RYR3: variants seen among roughly 807,000 people sequenced by gnomAD.
RYR3 encodes brain ryanodine receptor-calcium release channel.
In RYR3, 207 loss-of-function variants were observed where a neutral mutation model predicts 584.3. That is an observed-to-expected ratio of 0.35 (90% CI 0.32 to 0.40). The LOEUF (loss-of-function observed/expected upper bound fraction) is 0.40. Ranked by LOEUF, RYR3 falls within the 10% of genes least tolerant of loss-of-function variation. The pLI is 1.00. For missense variants in RYR3, 5,616 were observed against 6,089.2 expected, an observed-to-expected ratio of 0.92 and a Z score of 2.59; for synonymous variants, 2,416 against 2,248.5, an observed-to-expected ratio of 1.07 and a Z score of -2.11.
At chr15:33,459,794 G>A (rs2047863517) in intron 1 of RYR3, among the ~76,000 whole-genome samples, 1 of 152,224 alleles carries the variant, frequency 6.6e-6, no homozygotes, top group East Asian at 1.9e-4. Context: ...TAACTCTCCT[G>A]GGATTATTAA....
At chr15:33,855,054 GGT>G in intron 98 of RYR3, 142 bp downstream of exon 98, 1 of 868,646 alleles carries the variant, frequency 1.2e-6, no homozygotes, top group Non-Finnish European at 1.6e-6. Context: ...TTCAACTAAT[GGT>G]GATTGTTTTT....
chr15:33,578,746 TGTATCCCA>T lies in RYR3; in HGVS notation c.1269-1228_1269-1221del, dbSNP rs575075458. Among the ~76,000 whole-genome samples, 65 of 146,436 alleles carry T rather than the reference TGTATCCCA, an allele frequency of 4.4e-4. 1 individual carries two copies. The East Asian group carries it at 0.013, about 28-fold the overall frequency. On this transcript the variant is annotated intron_variant, in intron 12 of 103. Coordinates refer to ENST00000634891, the MANE Select transcript of RYR3 (RefSeq NM_001036.6). ...GTAACAAACCTGCACATCCTGCACA[TGTATCCCA>T]GAACTTAGAATAAAAAAAAAAAAAC... is the stretch of plus-strand genomic sequence containing the variant.
intron 12 of RYR3, among the ~76,000 whole-genome samples, chr15:33,568,821 C>T (rs912022571): frequency 2.0e-5 from 3 of 152,218 alleles, no homozygotes; most frequent in Non-Finnish European, 4.4e-5. Flanking sequence ...CCAAAAATAT[C>T]TCCTATGCTC....
chr15:33,738,502 G>A lies in RYR3; in HGVS notation c.7568G>A (p.Gly2523Glu). The A allele has an allele frequency of 1.2e-6, 2 of 1,613,998 alleles. No individual in the cohort carries two copies. Among genetic ancestry groups the A allele is most frequent in the Non-Finnish European group, 8.5e-7 (1 of 1,179,882 alleles). Residue 2523 changes from glycine to glutamate, a missense_variant, in exon 50 of 104, where the codon GGA becomes GAA. Gly to Glu is a moderately conservative substitution (Grantham distance 98, BLOSUM62 -2). Transcript: ENST00000634891. ...QCWKYYCLPSGWGSYGLAVEE... is the reference protein window; with the variant it reads ...QCWKYYCLPSEWGSYGLAVEE... ...TGGAAGTATTACTGCCTGCCTTCAG[G>A]ATGGGGGAGCTACGGGCTAGCTGTG...
At chr15:33,378,518 C>T (rs2040919271) in intron 1 of RYR3, among the ~76,000 whole-genome samples, 1 of 152,142 alleles carries the variant, frequency 6.6e-6, no homozygotes, top group Non-Finnish European at 1.5e-5. Context: ...AAGCTGTTTG[C>T]AATGACGGCC....
chr15:33,864,824 C>G (rs919805938), intron 103 of RYR3: 2 of 279,760 alleles, frequency 7.1e-6, no homozygotes, highest in African/African-American at 4.3e-5. Flanking sequence ...CTTCCACCAG[C>G]GGCATGGAAT....
intron 27 of RYR3, among the ~76,000 whole-genome samples, chr15:33,642,497 C>T (rs2061886838): frequency 6.6e-6 from 1 of 152,152 alleles, no homozygotes; most frequent in Non-Finnish European, 1.5e-5. Flanking sequence ...TTTTATATTC[C>T]ATTCCTTGTC....
In RYR3 at chr15:33,724,176, C is replaced by T. The variant is rs766854398; in HGVS notation, c.6912C>T (p.His2304=). The change falls in exon 45 of 104, where the codon CAC becomes CAT. Residue 2304 remains histidine (H), a splice_region_variant and synonymous_variant. Coordinates refer to ENST00000634891, the MANE Select transcript of RYR3 (RefSeq NM_001036.6). ...DLLGRCAPEM[H]LIQTGKGEAI... ...TGGGCCGCTGTGCTCCTGAAATGCA[C>T]GTAAGTGATACAGCTTCCAGAGAAC... The T allele has an allele frequency of 1.5e-5, 24 of 1,552,904 alleles. No individual in the cohort carries two copies. The highest frequency in any genetic ancestry group is 1.9e-5 in the Non-Finnish European group (21 of 1,126,474).
intron 2 of RYR3, among the ~76,000 whole-genome samples, chr15:33,492,724 T>TGATGCC (rs1034141171): frequency 2.0e-5 from 3 of 152,158 alleles, no homozygotes; most frequent in African/African-American, 7.2e-5. Flanking sequence ...TAAATGATGC[T>TGATGCC]GATGCCGATT....
At chr15:33,407,949 C>CT (rs1274123053) in intron 1 of RYR3, among the ~76,000 whole-genome samples, 1 of 151,598 alleles carries the variant, frequency 6.6e-6, no homozygotes, top group Non-Finnish European at 1.5e-5. Context: ...TACAGCATTG[C>CT]TTGAGGATAG....
intron 1 of RYR3, among the ~76,000 whole-genome samples, chr15:33,335,659 A>C (rs1051407947): frequency 6.6e-6 from 1 of 152,118 alleles, no homozygotes; most frequent in Non-Finnish European, 1.5e-5. Flanking sequence ...ATATGTACCA[A>C]ACTTGCACTT....
At chr15:33,345,064 G>A (rs749008574) in intron 1 of RYR3, among the ~76,000 whole-genome samples, 10 of 152,028 alleles carry the variant, frequency 6.6e-5, no homozygotes, top group African/African-American at 1.7e-4. Flanking sequence ...AGGTTGTCTC[G>A]TTTCTAGTCC....
chr15:33,708,027 AC>A (rs2066841294), intron 43 of RYR3, among the ~76,000 whole-genome samples: 1 of 152,094 alleles, frequency 6.6e-6, no homozygotes, highest in South Asian at 2.1e-4. Flanking sequence ...CCTGGAACCC[AC>A]CCAGCCAACT....
chr15:33,796,467 T>G (rs2075629945), intron 67 of RYR3, among the ~76,000 whole-genome samples: 1 of 152,178 alleles, frequency 6.6e-6, no homozygotes, highest in African/African-American at 2.4e-5. Flanking sequence ...AGTCTGAATC[T>G]CCTTCCTTCT....
At position 33,670,706 on chromosome 15, in the gene RYR3, A is replaced by G. The variant is rs987264011; in HGVS notation, c.5860+150A>G. 2.4e-5 allele frequency: 19 copies of G among 805,718 alleles called. No individual in the cohort carries two copies. The South Asian group carries it at 4.6e-4, about 20-fold the overall frequency. The allele number at this position is 805,718 out of a possible 1,614,324, so 49.9% of individuals were successfully genotyped here. A position where few individuals can be genotyped will look rare whatever the true frequency, so the allele number is the denominator to read the frequency against. On this transcript the variant is annotated intron_variant, in intron 38 of 103. Coordinates refer to ENST00000634891, the MANE Select transcript of RYR3 (RefSeq NM_001036.6). ...TGTTATAATTGCTGGTGGTTCAGTT[A>G]CGTATTTTGGGTTCTGCCTTTCTTC... is the stretch of plus-strand genomic sequence containing the variant.
At chr15:33,650,729 G>A (rs542288602) in intron 31 of RYR3, among the ~76,000 whole-genome samples, 4 of 152,230 alleles carry the variant, frequency 2.6e-5, no homozygotes, top group Admixed American at 6.5e-5. Flanking sequence ...TTCCCTATAC[G>A]TGAGTTTTGC....
chr15:33,606,123 C>T (rs112548492), intron 18 of RYR3, among the ~76,000 whole-genome samples: 8 of 152,290 alleles, frequency 5.3e-5, no homozygotes, highest in African/African-American at 1.9e-4. Flanking sequence ...TTTGGAGTTA[C>T]GCCTGGGTTT....
At chr15:33,655,494 T>A (rs1025617888) in intron 32 of RYR3, among the ~76,000 whole-genome samples, 2 of 152,200 alleles carry the variant, frequency 1.3e-5, no homozygotes, top group African/African-American at 2.4e-5. Context: ...GAACCTGTGA[T>A]GTTGAAGAGG....
chr15:33,375,008 G>T (rs1485556894), intron 1 of RYR3, among the ~76,000 whole-genome samples: 1 of 152,188 alleles, frequency 6.6e-6, no homozygotes, highest in Admixed American at 6.5e-5. Flanking sequence ...ATTCAAGCAA[G>T]CGATATTTTA....
Sources: gnomAD v4.1 joint callset for allele counts (sites outside exome capture counted in the v4.1 genomes callset) on GRCh38, gnomAD v4.1.1 for gene constraint, MANE v1.5 for transcripts, NCBI Gene and HGNC (gene_info 2026-07-23, HGNC 2026-07-21) for gene names.